PDE3A: variants seen among roughly 807,000 people sequenced by gnomAD.
PDE3A encodes phosphodiesterase 3A, also known as cGMP-inhibited 3',5'-cyclic phosphodiesterase 3A.
Under a neutral mutation model 98.3 loss-of-function variants are expected in PDE3A, and 43 were observed. The observed-to-expected ratio is 0.44, with a 90% confidence interval of 0.34 to 0.56. PDE3A has a LOEUF of 0.56. PDE3A is among the 20% of genes least tolerant of loss of function. PDE3A has a pLI of 0.01. For synonymous variants in PDE3A, 663 were observed against 567.9 expected (o/e 1.17, Z -2.38); for missense variants, 1,427 against 1,440.7 (o/e 0.99, Z 0.15).
Position 20,648,884 on chromosome 12 carries a change from A to G in PDE3A, c.2762A>G (p.Asn921Ser), listed in dbSNP as rs768388041. 2.5e-6 allele frequency: 4 copies of G among 1,599,178 alleles called. No homozygotes were observed. Among genetic ancestry groups the G allele is most frequent in the African/African-American group, 1.3e-5 (1 of 74,464 alleles). ...KKHFDFVAKF[N>S]GKVNDDVGID... ...CACTTTGACTTCGTAGCCAAATTTA[A>G]TGGCAAGGTAAATAGAGCTGTACCC... is the stretch of plus-strand genomic sequence containing the variant. Residue 921 changes from asparagine (N) to serine (S), a missense_variant, in exon 13 of 16, where the codon AAT (asparagine) becomes AGT (serine). Coordinates refer to ENST00000359062, the MANE Select transcript of PDE3A (RefSeq NM_000921.5).
chr12:20,522,135 G>C (rs1399127616), intron 1 of PDE3A, among the ~76,000 whole-genome samples: 1 of 152,040 alleles, frequency 6.6e-6, no homozygotes, highest in Non-Finnish European at 1.5e-5. Flanking sequence ...TGTGTCTACT[G>C]TACAGGGTCA....
intron 1 of PDE3A, among the ~76,000 whole-genome samples, chr12:20,395,964 T>G (rs1321394101): frequency 6.6e-6 from 1 of 152,050 alleles, no homozygotes. Context: ...GGCATGATCA[T>G]AGCTCACTGT....
chr12:20,456,976 C>T (rs893676037), intron 1 of PDE3A, among the ~76,000 whole-genome samples: 2 of 152,092 alleles, frequency 1.3e-5, no homozygotes, highest in Non-Finnish European at 2.9e-5. Flanking sequence ...TTGAGTTATA[C>T]CAAAGCCTCC....
chr12:20,664,224 C>A, intron 15 of PDE3A, among the ~76,000 whole-genome samples: 1 of 151,956 alleles, frequency 6.6e-6, no homozygotes, highest in East Asian at 1.9e-4. Flanking sequence ...CAGTCTTGAG[C>A]AGTTTTTTAT....
At chr12:20,538,114 A>G (rs1236291060) in intron 1 of PDE3A, among the ~76,000 whole-genome samples, 1 of 151,702 alleles carries the variant, frequency 6.6e-6, no homozygotes, top group Non-Finnish European at 1.5e-5. Context: ...GTTTCTTTTC[A>G]ATTTCCAGGG....
intron 1 of PDE3A, among the ~76,000 whole-genome samples, chr12:20,507,765 T>G (rs1220010112): frequency 1.5e-4 from 23 of 152,078 alleles, no homozygotes. Context: ...TTCAACTTGC[T>G]AAATAATCCA....
chr12:20,610,461 G>A lies in PDE3A; in HGVS notation c.1012-2982G>A, dbSNP rs557380248. On this transcript the variant is annotated intron_variant, in intron 2 of 15. Transcript: ENST00000359062. ...ACACTGCTGTTAGAAATGTAGATTG[G>A]TACAGCCATTATAGAAAATAGTATA... 2.0e-5 allele frequency among the ~76,000 whole-genome samples: 3 copies of A among 152,008 alleles called. No homozygotes were observed. The East Asian group carries it at 5.8e-4, about 29-fold the overall frequency.
At chr12:20,628,247 T>C (rs565888568) in intron 5 of PDE3A, among the ~76,000 whole-genome samples, 2 of 152,334 alleles carry the variant, frequency 1.3e-5, no homozygotes, top group East Asian at 1.9e-4. Flanking sequence ...GAATCATACA[T>C]TGACTGGGAA....
At chr12:20,584,431 T>C (rs890508757) in intron 2 of PDE3A, among the ~76,000 whole-genome samples, 2 of 152,166 alleles carry the variant, frequency 1.3e-5, no homozygotes, top group African/African-American at 4.8e-5. Context: ...CTCCAGAATG[T>C]TTCTATTTAT....
intron 1 of PDE3A, among the ~76,000 whole-genome samples, chr12:20,402,245 G>A (rs1010625591): frequency 1.3e-5 from 2 of 152,034 alleles, no homozygotes; most frequent in Non-Finnish European, 2.9e-5. Flanking sequence ...CGCCTCCCGG[G>A]TCAAGCAATT....
intron 1 of PDE3A, among the ~76,000 whole-genome samples, chr12:20,478,417 T>C (rs892388665): frequency 1.3e-5 from 2 of 152,178 alleles, no homozygotes; most frequent in African/African-American, 4.8e-5. Context: ...ATTAGTCATA[T>C]TATATAATTA....
At chr12:20,610,268 A>T (rs1943816590) in intron 2 of PDE3A, among the ~76,000 whole-genome samples, 1 of 151,988 alleles carries the variant, frequency 6.6e-6, no homozygotes. Context: ...AGAAGACATG[A>T]AAGTGGCCAA....
At chr12:20,518,957 T>C (rs755488314) in intron 1 of PDE3A, among the ~76,000 whole-genome samples, 1 of 152,198 alleles carries the variant, frequency 6.6e-6, no homozygotes, top group Non-Finnish European at 1.5e-5. Context: ...TTTCATTTCA[T>C]TTAATTGAAA....
intron 1 of PDE3A, among the ~76,000 whole-genome samples, chr12:20,408,525 G>C (rs1393070738): frequency 6.6e-6 from 1 of 152,096 alleles, no homozygotes; most frequent in African/African-American, 2.4e-5. Context: ...ACTTTAACTT[G>C]CAGATGGCGT....
At chr12:20,669,379 C>T (rs1945408731) in intron 15 of PDE3A, among the ~76,000 whole-genome samples, 1 of 151,816 alleles carries the variant, frequency 6.6e-6, no homozygotes. Flanking sequence ...AGAAGAGCAA[C>T]TCCAAGACAC....
intron 3 of PDE3A, 103 bp from the exon 4 acceptor site, chr12:20,616,127 A>T: frequency 4.0e-6 from 4 of 993,854 alleles, no homozygotes; most frequent in South Asian, 1.8e-5. Flanking sequence ...AATGTAATTT[A>T]GTCAATTCAC....
At chr12:20,530,618 C>T (rs1946607902) in intron 1 of PDE3A, among the ~76,000 whole-genome samples, 1 of 151,778 alleles carries the variant, frequency 6.6e-6, no homozygotes, top group African/African-American at 2.4e-5. Flanking sequence ...TAGGTGTATG[C>T]CATCACGCCT....
At chr12:20,656,328 C>A (rs573653884) in intron 15 of PDE3A, among the ~76,000 whole-genome samples, 1 of 152,238 alleles carries the variant, frequency 6.6e-6, no homozygotes, top group South Asian at 2.1e-4. Flanking sequence ...CATATAAGCA[C>A]CTTGTTGTAG....
chr12:20,587,275 A>G (rs908994928), intron 2 of PDE3A, among the ~76,000 whole-genome samples: 1 of 152,230 alleles, frequency 6.6e-6, no homozygotes, highest in Non-Finnish European at 1.5e-5. Flanking sequence ...AGGCTGAGGC[A>G]GAAGAATCGC....
Sources: allele counts gnomAD v4.1 joint callset (sites outside exome capture counted in the v4.1 genomes callset), GRCh38; gene constraint gnomAD v4.1.1; transcripts MANE v1.5; gene names NCBI Gene and HGNC (gene_info 2026-07-23, HGNC 2026-07-21).